The following ZMYND8 variants were observed in gnomAD, a reference collection of about 807,000 sequenced individuals.
The protein encoded by ZMYND8 is MYND-type zinc finger-containing chromatin reader ZMYND8.
A neutral mutation model predicts 140.8 loss-of-function variants in ZMYND8; 37 were observed. The ratio of observed to expected loss-of-function variants is 0.26; its 90% CI spans 0.20 to 0.35. The LOEUF is 0.35. Ranked by LOEUF, ZMYND8 falls within the 10% of genes least tolerant of loss-of-function variation. ZMYND8 has a pLI of 1.00. For synonymous variants in ZMYND8, 592 were observed against 597.1 expected (o/e 0.99, Z 0.12); for missense variants, 1,068 against 1,570.0 (o/e 0.68, Z 5.40).
intron 12 of ZMYND8, among the ~76,000 whole-genome samples, chr20:47,257,995 T>A (rs2074881064): frequency 2.0e-5 from 3 of 152,180 alleles, no homozygotes; most frequent in Non-Finnish European, 4.4e-5. Context: ...CGTGCGGGAA[T>A]TACAGACATA....
intron 2 of ZMYND8, among the ~76,000 whole-genome samples, chr20:47,326,130 T>C (rs557932662): frequency 5.9e-5 from 9 of 152,298 alleles, no homozygotes; most frequent in African/African-American, 2.2e-4. Flanking sequence ...GCTAATTCTT[T>C]GTATTTCTTA....
intron 1 of ZMYND8, 75 bp from the exon 2 acceptor site, chr20:47,348,001 C>G: frequency 6.9e-7 from 1 of 1,439,084 alleles, no homozygotes; most frequent in Non-Finnish European, 9.7e-7. Context: ...TTTGGAAGTT[C>G]TAGCAACAAA....
At chr20:47,287,161 T>C in intron 8 of ZMYND8, 68 bp downstream of exon 8, 2 of 1,428,080 alleles carry the variant, frequency 1.4e-6, no homozygotes, top group Non-Finnish European at 2.0e-6. Context: ...ATTCTGCAAA[T>C]GGAAACTTCA....
intron 2 of ZMYND8, among the ~76,000 whole-genome samples, chr20:47,311,164 C>T (rs547879093): frequency 3.9e-5 from 6 of 152,136 alleles, no homozygotes; most frequent in African/African-American, 7.2e-5. Flanking sequence ...CCCCACCCAC[C>T]GGGAAGTTCC....
chr20:47,235,458 ACTT>A (rs1313892240), intron 16 of ZMYND8, among the ~76,000 whole-genome samples: 1 of 152,130 alleles, frequency 6.6e-6, no homozygotes, highest in Non-Finnish European at 1.5e-5. Context: ...TAATCCCAGC[ACTT>A]TGAGAGGCCG....
At chr20:47,354,634 G>C (rs1348006937) in intron 1 of ZMYND8, 1 of 152,180 alleles carries the variant, frequency 6.6e-6, no homozygotes, top group Non-Finnish European at 1.5e-5. Flanking sequence ...GTGTCAGAAA[G>C]TGGGCTACTG....
intron 21 of ZMYND8, among the ~76,000 whole-genome samples, chr20:47,216,055 C>G (rs2036049888): frequency 6.6e-6 from 1 of 152,170 alleles, no homozygotes. Context: ...CCACGGAGGC[C>G]CTGCAGAGGG....
intron 12 of ZMYND8, among the ~76,000 whole-genome samples, chr20:47,261,073 T>G (rs2075118248): frequency 1.3e-5 from 2 of 151,696 alleles, no homozygotes; most frequent in African/African-American, 4.8e-5. Context: ...AATACAAAAT[T>G]AGCCAGGCGT....
At chr20:47,288,519 GAGTA>G (rs1313064454) in intron 7 of ZMYND8, among the ~76,000 whole-genome samples, 1 of 151,142 alleles carries the variant, frequency 6.6e-6, no homozygotes, top group Non-Finnish European at 1.5e-5. Flanking sequence ...TCAGCCTCCA[GAGTA>G]GCTGGGATTA....
At chr20:47,302,436 G>A (rs1307515684) in intron 3 of ZMYND8, among the ~76,000 whole-genome samples, 2 of 152,118 alleles carry the variant, frequency 1.3e-5, no homozygotes, top group East Asian at 1.9e-4. Context: ...CAGCCTGAGC[G>A]AAAGAGCGAG....
intron 2 of ZMYND8, among the ~76,000 whole-genome samples, chr20:47,338,055 T>C (rs888272262): frequency 2.0e-5 from 3 of 152,070 alleles, no homozygotes; most frequent in African/African-American, 7.2e-5. Context: ...ACCTGTTTTC[T>C]AAGTGCAAGT....
intron 10 of ZMYND8, among the ~76,000 whole-genome samples, chr20:47,277,985 T>C (rs1417431242): frequency 6.6e-6 from 1 of 152,032 alleles, no homozygotes; most frequent in East Asian, 1.9e-4. Context: ...TTGCTTGTTT[T>C]TTTAAGAGAC....
At chr20:47,330,602 G>A (rs1448165275) in intron 2 of ZMYND8, among the ~76,000 whole-genome samples, 2 of 152,072 alleles carry the variant, frequency 1.3e-5, no homozygotes, top group Non-Finnish European at 2.9e-5. Context: ...TAATATGTCA[G>A]AAAGCAAAGA....
Position 47,272,963 on chromosome 20 carries a change from C to T in ZMYND8, c.1480+3351G>A, listed in dbSNP as rs1257188195. Among the ~76,000 whole-genome samples, 3 of 152,176 alleles carry T rather than the reference C, an allele frequency of 2.0e-5. No homozygotes were observed. In the East Asian group the frequency reaches 5.8e-4, roughly 29 times the overall value. On this transcript the variant is annotated intron_variant, in intron 11 of 22. Transcript: ENST00000471951. ...ATTTCCCATCTCCCTCCACTAAATG[C>T]TATTATCACTGCTAACAGCAGATGG...
rs553560626 is a variant in ZMYND8 at position 47,331,070 on chromosome 20, TGGAACACAGAGAGAAC to T, written c.85+16770_85+16785del. ...GAGAGAAGTGGAACACGGAGAGAAG[TGGAACACAGAGAGAAC>T]GGAACACGGAGAGAATGGAACACAG... On this transcript the variant is annotated intron_variant, in intron 2 of 22. Coordinates refer to ENST00000471951, the MANE Select transcript of ZMYND8 (RefSeq NM_001281775.3). 4.3e-3 allele frequency among the ~76,000 whole-genome samples: 656 copies of T among 151,632 alleles called. 1 individual carries two copies. Among genetic ancestry groups the T allele is most frequent in the Non-Finnish European group, 6.5e-3 (438 of 67,894 alleles).
rs143579242 is a variant in ZMYND8 at position 47,328,717 on chromosome 20, C to T, written c.86-18513G>A. On this transcript the variant is annotated intron_variant, in intron 2 of 22. Transcript: ENST00000471951. Reference sequence around the variant, plus strand: ...GACCTCAGGTAATGCACTGGCCTCCCAAAGTGCTGGGATTCCAGGCATGAG... The same window carrying T: ...GACCTCAGGTAATGCACTGGCCTCCTAAAGTGCTGGGATTCCAGGCATGAG... 4.5e-3 allele frequency among the ~76,000 whole-genome samples: 689 copies of T among 152,256 alleles called. 5 individuals carry two copies. The highest frequency in any genetic ancestry group is 0.016 in the African/African-American group (661 of 41,528).
At chr20:47,277,783 G>A (rs572553673) in intron 10 of ZMYND8, among the ~76,000 whole-genome samples, 1 of 152,090 alleles carries the variant, frequency 6.6e-6, no homozygotes, top group African/African-American at 2.4e-5. Flanking sequence ...CAATTCTCCT[G>A]CCTCAGCTTC....
intron 7 of ZMYND8, 50 bp downstream of exon 7, chr20:47,290,137 G>T: frequency 6.6e-7 from 1 of 1,521,154 alleles, no homozygotes; most frequent in Non-Finnish European, 9.0e-7. Context: ...AGGAATTTGT[G>T]CAACACATAC....
At chr20:47,322,319 G>T (rs780898197) in intron 2 of ZMYND8, among the ~76,000 whole-genome samples, 1 of 152,118 alleles carries the variant, frequency 6.6e-6, no homozygotes, top group Non-Finnish European at 1.5e-5. Context: ...CAGGTGTGAG[G>T]ATAGACAGGG....
Sources: gnomAD v4.1 joint callset for allele counts (sites outside exome capture counted in the v4.1 genomes callset) on GRCh38, gnomAD v4.1.1 for gene constraint, MANE v1.5 for transcripts, NCBI Gene and HGNC (gene_info 2026-07-23, HGNC 2026-07-21) for gene names.